GRAMD1C: variants seen among roughly 807,000 people sequenced by gnomAD.
GRAMD1C encodes GRAM domain containing 1C, also known as protein Aster-C.
A neutral mutation model predicts 97.8 loss-of-function variants in GRAMD1C; 89 were observed. That is an observed-to-expected ratio of 0.91 (90% confidence interval 0.77 to 1.09). The LOEUF is 1.09. Ranked by LOEUF, GRAMD1C falls within the 50% of genes least tolerant of loss-of-function variation. The pLI is 0.00. For missense variants in GRAMD1C, 740 were observed against 766.4 expected, an observed-to-expected ratio of 0.97 and a Z score of 0.41; for synonymous variants, 256 against 267.0, an observed-to-expected ratio of 0.96 and a Z score of 0.40.
rs1336848264 is a variant in GRAMD1C, at chr3:113,945,425, A to G, written c.1936A>G (p.Lys646Glu). 6.3e-7 allele frequency: 1 copy of G among 1,599,860 alleles called. No homozygotes were observed. The highest frequency in any genetic ancestry group is 1.3e-5 in the African/African-American group (1 of 74,796). The change falls in exon 18 of 18, where the codon AAA (lysine) becomes GAA (glutamate). Residue 646 changes from lysine to glutamate, a missense_variant. Lys to Glu is a moderately conservative substitution (Grantham distance 56). Transcript: ENST00000358160. Reference protein sequence around the residue: ...QLKSSLIMLQKTFDLLNKNKT... With the variant: ...QLKSSLIMLQETFDLLNKNKT... ...GAAGAGCTCACTCATTATGCTTCAG[A>G]AAACGTTTGATCTACTAAATAAGAA...
chr3:113,866,173 G>C (rs1157288659), intron 2 of GRAMD1C, among the ~76,000 whole-genome samples: 3 of 152,096 alleles, frequency 2.0e-5, no homozygotes, highest in African/African-American at 2.4e-5. Flanking sequence ...ATTAAGAATG[G>C]GATATTGATA....
intron 2 of GRAMD1C, chr3:113,844,898 G>A (rs370801283): frequency 3.4e-4 from 114 of 335,678 alleles, no homozygotes; most frequent in African/African-American, 2.0e-3. Flanking sequence ...CACCACAGAA[G>A]TGGATTCCAC....
chr3:113,871,758 A>C (rs1290631484), intron 3 of GRAMD1C, among the ~76,000 whole-genome samples: 3 of 146,776 alleles, frequency 2.0e-5, no homozygotes, highest in East Asian at 2.0e-4. Flanking sequence ...AAAAAAAAAA[A>C]AAAAAAAACA....
rs78876336 is a variant in GRAMD1C at position 113,928,169 on chromosome 3, C to T, written c.1091-2545C>T. Among the ~76,000 whole-genome samples, 455 of 152,268 alleles carry T rather than the reference C, an allele frequency of 3.0e-3. 2 individuals carry two copies. Among genetic ancestry groups the T allele is most frequent in the African/African-American group, 0.01 (433 of 41,568 alleles). ...GCTGCCCAGCTTTGCTCCTCTCTGCCCTCTGTGTCCCCTTGCTGCCTGGAT... is the reference window on the plus strand; with the variant it reads ...GCTGCCCAGCTTTGCTCCTCTCTGCTCTCTGTGTCCCCTTGCTGCCTGGAT... On this transcript the variant is annotated intron_variant, in intron 10 of 17. Transcript: ENST00000358160.
At chr3:113,889,573 A>T (rs562077028) in intron 6 of GRAMD1C, among the ~76,000 whole-genome samples, 65 of 152,282 alleles carry the variant, frequency 4.3e-4, no homozygotes, top group Non-Finnish European at 8.2e-4. Flanking sequence ...GAATTATAGC[A>T]CAGTAAAGCT....
In GRAMD1C at chr3:113,876,237, CAG is replaced by C; in HGVS notation, c.438_439del (p.Gln146HisfsTer6). 13 of 1,582,078 alleles carry C rather than the reference CAG, an allele frequency of 8.2e-6. No individual in the cohort carries two copies. The highest frequency in any genetic ancestry group is 1.1e-5 in the Non-Finnish European group (13 of 1,151,924). ...KTARLIPNAI[Q>X]IVTESEKFFF... The stretch of plus-strand genomic sequence containing the variant: ...TGCTCGACTCATCCCAAACGCTATC[CAG>C]ATAGTTACAGAAAGTGAAAAGGTGA... On this transcript the variant is annotated frameshift_variant, in exon 5 of 18. Transcript: ENST00000358160. LOFTEE classifies it high-confidence loss of function.
At chr3:113,856,884 GACTGGAGTGCTGTGGT>G (rs1239609027) in intron 2 of GRAMD1C, among the ~76,000 whole-genome samples, 3 of 149,280 alleles carry the variant, frequency 2.0e-5, no homozygotes, top group African/African-American at 7.4e-5. Context: ...CTGTTGCCCA[GACTGGAGTGCTGTGGT>G]ACAATCTCGG....
intron 8 of GRAMD1C, among the ~76,000 whole-genome samples, chr3:113,905,601 A>T (rs1355278715): frequency 1.3e-5 from 2 of 152,152 alleles, no homozygotes; most frequent in African/African-American, 2.4e-5. Flanking sequence ...GTCTTTTTTA[A>T]TAAGAGTTAA....
At chr3:113,879,218 CA>C (rs1559791508) in intron 5 of GRAMD1C, among the ~76,000 whole-genome samples, 1 of 149,216 alleles carries the variant, frequency 6.7e-6, no homozygotes, top group African/African-American at 2.5e-5. Context: ...AAAAAAAAAC[CA>C]AAAAACAAAC....
intron 1 of GRAMD1C, among the ~76,000 whole-genome samples, chr3:113,832,081 G>A (rs1456444711): frequency 1.3e-5 from 2 of 150,642 alleles, no homozygotes; most frequent in African/African-American, 2.5e-5. Context: ...TCAGGCTGGA[G>A]TGCAGTGTGC....
chr3:113,870,843 G>T (rs1370377750), intron 3 of GRAMD1C, among the ~76,000 whole-genome samples: 1 of 149,230 alleles, frequency 6.7e-6, no homozygotes, highest in Non-Finnish European at 1.5e-5. Context: ...TTGGCTGGGT[G>T]CAGTGGCTGA....
chr3:113,911,667 C>G (rs1308242522), intron 9 of GRAMD1C, among the ~76,000 whole-genome samples: 1 of 97,844 alleles, frequency 1.0e-5, no homozygotes, highest in African/African-American at 3.3e-5. Context: ...CTTTCTTTTC[C>G]TTTCTCTCTC....
intron 11 of GRAMD1C, among the ~76,000 whole-genome samples, chr3:113,932,813 T>A (rs1189011010): frequency 6.6e-6 from 1 of 152,056 alleles, no homozygotes; most frequent in African/African-American, 2.4e-5. Context: ...TCAAATGATC[T>A]TCCCACCTCA....
chr3:113,938,298 G>C (rs1483774150), intron 15 of GRAMD1C, 155 bp downstream of exon 15: 1 of 418,778 alleles, frequency 2.4e-6, no homozygotes, highest in Non-Finnish European at 4.2e-6. Flanking sequence ...ATAGGTTTCA[G>C]ATTTTTAGCT....
At chr3:113,906,514 G>C (rs1285067714) in intron 8 of GRAMD1C, among the ~76,000 whole-genome samples, 1 of 151,938 alleles carries the variant, frequency 6.6e-6, no homozygotes, top group Non-Finnish European at 1.5e-5. Context: ...TATAAAGAAA[G>C]AAAATATTTT....
intron 9 of GRAMD1C, among the ~76,000 whole-genome samples, chr3:113,909,666 A>G (rs2107327882): frequency 6.6e-6 from 1 of 152,362 alleles, no homozygotes. Flanking sequence ...TGTTTTGTAT[A>G]TAATTATGAA....
intron 9 of GRAMD1C, 102 bp from the exon 10 acceptor site, chr3:113,915,599 T>A (rs904797637): frequency 2.4e-6 from 2 of 843,446 alleles, no homozygotes; most frequent in East Asian, 5.1e-5. Context: ...AAAACCATTT[T>A]ATGCCCAAAA....
intron 6 of GRAMD1C, among the ~76,000 whole-genome samples, chr3:113,894,021 G>A (rs984471296): frequency 1.3e-5 from 2 of 152,140 alleles, no homozygotes; most frequent in African/African-American, 4.8e-5. Context: ...AATATGTACG[G>A]TGAGAACAAA....
chr3:113,944,470 T>C (rs937196185), intron 17 of GRAMD1C, among the ~76,000 whole-genome samples: 1 of 152,208 alleles, frequency 6.6e-6, no homozygotes. Flanking sequence ...ACTTGCCTAC[T>C]TGGCATCTTC....
Sources: allele counts gnomAD v4.1 joint callset (sites outside exome capture counted in the v4.1 genomes callset), GRCh38; gene constraint gnomAD v4.1.1; transcripts MANE v1.5; gene names NCBI Gene and HGNC (gene_info 2026-07-23, HGNC 2026-07-21).